Variants in LHFPL3 observed in about 807,000 individuals in gnomAD.
The protein encoded by LHFPL3 is LHFPL tetraspan subfamily member 3, also known as LHFPL tetraspan subfamily member 3 protein.
A neutral mutation model predicts 19.3 loss-of-function variants in LHFPL3; 5 were observed. That is an observed-to-expected ratio of 0.26 (90% CI 0.14 to 0.54). The LOEUF (loss-of-function observed/expected upper bound fraction) is 0.54, where lower values mean the gene tolerates loss of function less well. LHFPL3 is among the 20% of genes least tolerant of loss of function. The pLI is 0.94. For synonymous variants in LHFPL3, 133 were observed against 126.2 expected (o/e 1.05, Z -0.36); for missense variants, 249 against 307.4 (o/e 0.81, Z 1.42).
At chr7:104,468,561 T>A (rs561367353) in intron 1 of LHFPL3, among the ~76,000 whole-genome samples, 1 of 152,238 alleles carries the variant, frequency 6.6e-6, no homozygotes, top group South Asian at 2.1e-4. Context: ...TGTGCAGATC[T>A]GCTCTCAGAC....
At chr7:104,412,175 CTGTATTA>C (rs1182056578) in intron 1 of LHFPL3, among the ~76,000 whole-genome samples, 1 of 146,018 alleles carries the variant, frequency 6.8e-6, no homozygotes, top group African/African-American at 2.8e-5. Flanking sequence ...CTTTTAAGTG[CTGTATTA>C]TGTCCTTTAA....
chr7:104,849,153 A>G (rs1476149905), intron 2 of LHFPL3, among the ~76,000 whole-genome samples: 1 of 150,934 alleles, frequency 6.6e-6, no homozygotes, highest in East Asian at 2.0e-4. Flanking sequence ...CTGGTCTTGA[A>G]CTCCTGGGCT....
At chr7:104,906,137 T>G (rs1017863809) in intron 2 of LHFPL3, 50 bp from the exon 3 acceptor site, 1 of 1,574,806 alleles carries the variant, frequency 6.3e-7, no homozygotes, top group African/African-American at 1.3e-5. Flanking sequence ...AATGATGTAT[T>G]TTTTCTCTCC....
chr7:104,670,866 G>T (rs71540950), intron 1 of LHFPL3, among the ~76,000 whole-genome samples: 26,935 of 143,752 alleles, frequency 0.19, 2,539 homozygotes, highest in Non-Finnish European at 0.21. Flanking sequence ...GTTTTGTTTT[G>T]TTTTTTTTTT....
intron 2 of LHFPL3, among the ~76,000 whole-genome samples, chr7:104,862,152 C>A (rs946080921): frequency 2.0e-5 from 3 of 152,138 alleles, no homozygotes; most frequent in Non-Finnish European, 4.4e-5. Context: ...CCAAATGCCA[C>A]CTTCTTTGAG....
At chr7:104,341,178 T>C (rs1789942727) in intron 1 of LHFPL3, among the ~76,000 whole-genome samples, 1 of 152,202 alleles carries the variant, frequency 6.6e-6, no homozygotes, top group Admixed American at 6.5e-5. Context: ...ACTTTATCTG[T>C]GAATCTTTAT....
At chr7:104,619,947 C>A (rs1308548672) in intron 1 of LHFPL3, among the ~76,000 whole-genome samples, 6 of 152,172 alleles carry the variant, frequency 3.9e-5, no homozygotes, top group African/African-American at 1.4e-4. Context: ...AGCTCACAGT[C>A]TAGATCCCTT....
At chr7:104,408,833 G>A (rs983853551) in intron 1 of LHFPL3, among the ~76,000 whole-genome samples, 2 of 149,730 alleles carry the variant, frequency 1.3e-5, no homozygotes, top group African/African-American at 4.9e-5. Flanking sequence ...GGCAGAGGAA[G>A]AGTGGAGGCA....
At chr7:104,430,405 CATATAT>C (rs1465027136) in intron 1 of LHFPL3, among the ~76,000 whole-genome samples, 1 of 22,456 alleles carries the variant, frequency 4.5e-5, no homozygotes, top group African/African-American at 1.9e-4. Flanking sequence ...TATATATATA[CATATAT>C]ATATATACAT....
intron 1 of LHFPL3, among the ~76,000 whole-genome samples, chr7:104,590,880 T>A (rs144955275): frequency 3.9e-5 from 6 of 152,234 alleles, no homozygotes; most frequent in Admixed American, 6.5e-5. Flanking sequence ...GCCTTCTTTG[T>A]GTCTTTTGAT....
At chr7:104,331,216 TTGTC>T (rs760849881) in intron 1 of LHFPL3, among the ~76,000 whole-genome samples, 6 of 152,186 alleles carry the variant, frequency 3.9e-5, no homozygotes, top group Non-Finnish European at 7.4e-5. Flanking sequence ...CACAGAAAAA[TTGTC>T]TGTCCTGGAG....
In LHFPL3 at chr7:104,430,454, A is replaced by ATTT. The variant is rs1172420054; in HGVS notation, c.445+101260_445+101262dup. Among the ~76,000 whole-genome samples, 18 of 15,266 alleles carry ATTT rather than the reference A, an allele frequency of 1.2e-3. 2 individuals are homozygous for ATTT. The highest frequency in any genetic ancestry group is 1.6e-3 in the African/African-American group (6 of 3,744). The allele number at this position is 15,266 out of a possible 152,430, so 10.0% of individuals were successfully genotyped here. A position where few individuals can be genotyped will look rare whatever the true frequency, so the allele number is the denominator to read the frequency against. Reference sequence around the variant, plus strand: ...TATATATATATATATATATATATATATTTTTTTTTTTTTTTTTTTTTTTTT... The same window carrying ATTT: ...TATATATATATATATATATATATATATTTTTTTTTTTTTTTTTTTTTTTTTTTT... On this transcript the variant is annotated intron_variant, in intron 1 of 2. Coordinates refer to ENST00000424859, the MANE Select transcript of LHFPL3 (RefSeq NM_199000.3).
chr7:104,385,985 A>G (rs1324370464), intron 1 of LHFPL3, among the ~76,000 whole-genome samples: 1 of 152,182 alleles, frequency 6.6e-6, no homozygotes, highest in Non-Finnish European at 1.5e-5. Context: ...AGCTCTGGAA[A>G]TTAACCAAAG....
At chr7:104,835,472 T>C (rs1791072742) in intron 2 of LHFPL3, among the ~76,000 whole-genome samples, 1 of 151,904 alleles carries the variant, frequency 6.6e-6, no homozygotes, top group Admixed American at 6.6e-5. Flanking sequence ...CACTCCTTCA[T>C]CTATTCATTT....
At chr7:104,542,525 T>C (rs911874367) in intron 1 of LHFPL3, among the ~76,000 whole-genome samples, 2 of 152,150 alleles carry the variant, frequency 1.3e-5, no homozygotes, top group Admixed American at 6.6e-5. Context: ...ATAGAGAATA[T>C]GCTCTGATAC....
intron 2 of LHFPL3, among the ~76,000 whole-genome samples, chr7:104,847,646 G>A (rs1484732471): frequency 1.3e-5 from 2 of 152,146 alleles, no homozygotes; most frequent in Non-Finnish European, 2.9e-5. Flanking sequence ...GAGTAACTGG[G>A]ACTACAGCTA....
intron 2 of LHFPL3, among the ~76,000 whole-genome samples, chr7:104,899,622 T>A (rs1719543352): frequency 6.6e-6 from 1 of 152,144 alleles, no homozygotes; most frequent in Non-Finnish European, 1.5e-5. Flanking sequence ...CAGAGATGAA[T>A]TTATTATTTT....
At chr7:104,377,279 T>C (rs541804028) in intron 1 of LHFPL3, among the ~76,000 whole-genome samples, 1 of 152,340 alleles carries the variant, frequency 6.6e-6, no homozygotes, top group African/African-American at 2.4e-5. Flanking sequence ...AAATGCATCA[T>C]GGTGCTATAA....
At chr7:104,734,274 A>G (rs1584503947) in intron 1 of LHFPL3, among the ~76,000 whole-genome samples, 1 of 152,142 alleles carries the variant, frequency 6.6e-6, no homozygotes, top group African/African-American at 2.4e-5. Context: ...CTGCCTTGCT[A>G]GGTTGGGGAA....
Sources: allele counts gnomAD v4.1 joint callset (sites outside exome capture counted in the v4.1 genomes callset), GRCh38; gene constraint gnomAD v4.1.1; transcripts MANE v1.5; gene names NCBI Gene and HGNC (gene_info 2026-07-23, HGNC 2026-07-21).